Variants in BFSP2 observed in about 807,000 individuals in gnomAD.
BFSP2 encodes beaded filament structural protein 2.
In BFSP2, 38 loss-of-function variants were observed where a neutral mutation model predicts 44.9. That is an observed-to-expected ratio of 0.85 (90% CI 0.65 to 1.11). The LOEUF (loss-of-function observed/expected upper bound fraction) is 1.11, where lower values mean the gene tolerates loss of function less well. Ranked by LOEUF, BFSP2 falls within the 50% of genes least tolerant of loss-of-function variation. The probability of loss-of-function intolerance (pLI) is 0.00; values close to 1 mark genes in which losing one functional copy is unlikely to be tolerated. For synonymous variants in BFSP2, 197 were observed against 209.9 expected (o/e 0.94, Z 0.53); for missense variants, 525 against 533.0 (o/e 0.99, Z 0.15).
chr3:133,444,559 G>C (rs2107919755), intron 1 of BFSP2, among the ~76,000 whole-genome samples: 1 of 152,124 alleles, frequency 6.6e-6, no homozygotes, highest in African/African-American at 2.4e-5. Context: ...CACAGGGGTG[G>C]GCTGTGACTC....
At chr3:133,447,782 A>C (rs2073917299) in intron 2 of BFSP2, among the ~76,000 whole-genome samples, 1 of 152,082 alleles carries the variant, frequency 6.6e-6, no homozygotes, top group South Asian at 2.1e-4. Context: ...TGGTCCTGGG[A>C]CTCAAATACT....
intron 1 of BFSP2, among the ~76,000 whole-genome samples, chr3:133,435,215 A>G (rs1324451862): frequency 1.3e-5 from 2 of 152,226 alleles, no homozygotes; most frequent in Non-Finnish European, 2.9e-5. Context: ...GTCATGATGG[A>G]GGACTCTCTA....
intron 4 of BFSP2, among the ~76,000 whole-genome samples, chr3:133,460,491 C>T (rs972459910): frequency 6.6e-6 from 1 of 152,194 alleles, no homozygotes. Flanking sequence ...CTACTGGCCT[C>T]AAGCAATCTT....
intron 1 of BFSP2, among the ~76,000 whole-genome samples, chr3:133,447,096 T>TA (rs1230082818): frequency 6.6e-6 from 1 of 152,210 alleles, no homozygotes; most frequent in East Asian, 1.9e-4. Context: ...AATCCCACTC[T>TA]AAAAACTCTT....
chr3:133,446,134 A>G (rs967882216), intron 1 of BFSP2, among the ~76,000 whole-genome samples: 2 of 152,174 alleles, frequency 1.3e-5, no homozygotes, highest in African/African-American at 4.8e-5. Flanking sequence ...GAATTCAATG[A>G]AAATGGCAGG....
chr3:133,425,952 AGGGGG>A (rs2073647362), intron 1 of BFSP2, among the ~76,000 whole-genome samples: 1 of 776 alleles, frequency 1.3e-3, no homozygotes, highest in African/African-American at 5.1e-3. Flanking sequence ...AAGGGAGGGG[AGGGGG>A]AGGGGGAGGG....
intron 1 of BFSP2, among the ~76,000 whole-genome samples, chr3:133,411,698 C>CT (rs1308673959): frequency 2.4e-5 from 3 of 125,136 alleles, no homozygotes; most frequent in Non-Finnish European, 5.0e-5. Flanking sequence ...GAAGGGTGGA[C>CT]TTTTTAATAA....
At position 133,448,550 on chromosome 3, in the gene BFSP2, G is replaced by C. The variant is rs1576586539; in HGVS notation, c.634G>C (p.Val212Leu). ...AGAGGAAATTAACTCTCTGTATAAA[G>C]TCATTGATGAGGCTAATTTGACTAA... ...AEEEINSLYK[V>L]IDEANLTKMD... Residue 212 changes from valine (V) to leucine (L), a missense_variant, in exon 3 of 7, where the codon GTC (valine) becomes CTC (leucine). By Grantham distance (32) the Val-to-Leu change is conservative (BLOSUM62 1). Transcript: ENST00000302334. The C allele has an allele frequency of 6.2e-7, 1 of 1,614,066 alleles. No homozygotes were observed. Among genetic ancestry groups the C allele is most frequent in the Non-Finnish European group, 8.5e-7 (1 of 1,180,006 alleles).
intron 2 of BFSP2, among the ~76,000 whole-genome samples, chr3:133,448,085 C>T (rs2073920448): frequency 6.6e-6 from 1 of 152,166 alleles, no homozygotes; most frequent in African/African-American, 2.4e-5. Context: ...ACAGAAACCA[C>T]ATTTCTTATT....
At chr3:133,431,646 GC>G (rs2073720555) in intron 1 of BFSP2, among the ~76,000 whole-genome samples, 1 of 152,252 alleles carries the variant, frequency 6.6e-6, no homozygotes, top group African/African-American at 2.4e-5. Flanking sequence ...CGGACGCCGA[GC>G]TTTAGGTAAC....
chr3:133,416,169 C>T (rs1421408999), intron 1 of BFSP2, among the ~76,000 whole-genome samples: 2 of 148,384 alleles, frequency 1.3e-5, no homozygotes, highest in Non-Finnish European at 1.5e-5. Context: ...GTCCTCTCCC[C>T]TCTAGTCAGC....
intron 4 of BFSP2, among the ~76,000 whole-genome samples, chr3:133,462,440 A>G (rs537751079): frequency 6.6e-6 from 1 of 152,334 alleles, no homozygotes; most frequent in African/African-American, 2.4e-5. Context: ...TTGAGAGGGG[A>G]CAAATCATGT....
intron 6 of BFSP2, among the ~76,000 whole-genome samples, chr3:133,474,429 G>C (rs2074196095): frequency 6.6e-6 from 1 of 152,228 alleles, no homozygotes; most frequent in Non-Finnish European, 1.5e-5. Context: ...GAAGGCGGGA[G>C]AGCCTCAAGG....
intron 1 of BFSP2, among the ~76,000 whole-genome samples, chr3:133,442,661 G>A (rs956750795): frequency 6.6e-6 from 1 of 152,094 alleles, no homozygotes; most frequent in Non-Finnish European, 1.5e-5. Context: ...GAGAGGTAGA[G>A]AGAAATAAAT....
chr3:133,434,412 G>A (rs940217771), intron 1 of BFSP2, among the ~76,000 whole-genome samples: 4 of 151,718 alleles, frequency 2.6e-5, no homozygotes, highest in Admixed American at 2.0e-4. Context: ...CCCTAATCCC[G>A]CTCGAAGCAG....
chr3:133,439,705 G>A (rs1278213808), intron 1 of BFSP2, among the ~76,000 whole-genome samples: 1 of 152,192 alleles, frequency 6.6e-6, no homozygotes, highest in Non-Finnish European at 1.5e-5. Flanking sequence ...AAGTAACTCA[G>A]TTCATGGTTG....
chr3:133,416,954 C>T (rs2073540122), intron 1 of BFSP2, among the ~76,000 whole-genome samples: 2 of 138,038 alleles, frequency 1.4e-5, no homozygotes, highest in African/African-American at 5.5e-5. Context: ...CCCGTCCTCT[C>T]CCCTCTACTC....
chr3:133,454,662 A>G (rs1233720922), intron 4 of BFSP2, among the ~76,000 whole-genome samples: 1 of 152,196 alleles, frequency 6.6e-6, no homozygotes, highest in Non-Finnish European at 1.5e-5. Context: ...AACACTTTAC[A>G]TATTTTTGCC....
intron 1 of BFSP2, chr3:133,445,687 T>G (rs886596117): frequency 6.6e-6 from 1 of 152,224 alleles, no homozygotes; most frequent in Non-Finnish European, 1.5e-5. Context: ...ACTATGTACA[T>G]AGCATTTCCA....
Sources: gnomAD v4.1 joint callset for allele counts (sites outside exome capture counted in the v4.1 genomes callset) on GRCh38, gnomAD v4.1.1 for gene constraint, MANE v1.5 for transcripts, NCBI Gene and HGNC (gene_info 2026-07-23, HGNC 2026-07-21) for gene names.